Variants in CFAP45 observed in about 807,000 individuals in gnomAD.
The protein encoded by CFAP45 is cilia and flagella associated protein 45.
A neutral mutation model predicts 75.6 loss-of-function variants in CFAP45; 43 were observed. The observed-to-expected ratio is 0.57, with a 90% CI of 0.45 to 0.73. The LOEUF (loss-of-function observed/expected upper bound fraction) is 0.73, where lower values mean the gene tolerates loss of function less well. Ranked by LOEUF, CFAP45 falls within the 30% of genes least tolerant of loss-of-function variation. CFAP45 has a pLI of 0.00. For synonymous variants in CFAP45, 223 were observed against 244.6 expected (o/e 0.91, Z 0.82); for missense variants, 689 against 701.5 (o/e 0.98, Z 0.20).
At chr1:159,898,272 T>C in intron 1 of CFAP45, 1 of 977,268 alleles carries the variant, frequency 1.0e-6, no homozygotes, top group Non-Finnish European at 1.2e-6. Context: ...TGGCCATCTG[T>C]AGGATGCCAC....
At chr1:159,899,324 A>G (rs1354715464) in intron 1 of CFAP45, among the ~76,000 whole-genome samples, 2 of 152,128 alleles carry the variant, frequency 1.3e-5, no homozygotes, top group African/African-American at 4.8e-5. Flanking sequence ...TTTATTGACT[A>G]ACTACTGAGG....
chr1:159,878,242 G>A (rs578080249), intron 8 of CFAP45, among the ~76,000 whole-genome samples: 1 of 152,324 alleles, frequency 6.6e-6, no homozygotes, highest in African/African-American at 2.4e-5. Context: ...GCAGGTGGAG[G>A]TTATCTCATT....
Position 159,872,939 on chromosome 1 carries a change from C to A in CFAP45, c.1577+5G>T, listed in dbSNP as rs370314260. On this transcript the variant is annotated splice_donor_5th_base_variant and intron_variant, in intron 11 of 11. Transcript: ENST00000368099. ...GATTTGGGAAAGGAGGAGATTCCAGCGCACCTCAGCTCTTCAAGCTTTTTC... is the reference window on the plus strand; with the variant it reads ...GATTTGGGAAAGGAGGAGATTCCAGAGCACCTCAGCTCTTCAAGCTTTTTC... 2 of 1,612,682 alleles carry A rather than the reference C, an allele frequency of 1.2e-6. No individual in the cohort carries two copies. The highest frequency in any genetic ancestry group is 1.1e-5 in the South Asian group (1 of 91,050).
rs556361801 is a variant in CFAP45, at chr1:159,872,990, G to A, written c.1531C>T (p.Arg511Cys). 6.4e-5 allele frequency: 104 copies of A among 1,614,240 alleles called. No homozygotes were observed. In the Admixed American group the frequency reaches 1.3e-3, roughly 21 times the overall value. ...RRLKEEAQKR[R>C]ERIDEIKRKK... Reference sequence around the variant, plus strand: ...CTCTTGATCTCATCGATGCGCTCACGGCGTTTCTGGGCCTCCTCTTTGAGG... The same window carrying A: ...CTCTTGATCTCATCGATGCGCTCACAGCGTTTCTGGGCCTCCTCTTTGAGG... The change falls in exon 11 of 12, where the codon CGT (arginine) becomes TGT (cysteine). Residue 511 changes from arginine to cysteine, a missense_variant. Transcript: ENST00000368099.
At chr1:159,890,438 G>A in intron 3 of CFAP45, 42 bp downstream of exon 3, 1 of 1,605,004 alleles carries the variant, frequency 6.2e-7, no homozygotes, top group Non-Finnish European at 8.5e-7. Context: ...TTAGCAAAAG[G>A]ATGAGGACTG....
chr1:159,878,581 T>G (rs1185925871), intron 8 of CFAP45, among the ~76,000 whole-genome samples: 1 of 150,978 alleles, frequency 6.6e-6, no homozygotes, highest in African/African-American at 2.4e-5. Context: ...GGTGAAACAG[T>G]GTCTATACTA....
intron 5 of CFAP45, 95 bp downstream of exon 5, chr1:159,887,746 C>CCCCCCACTCCCAGG: frequency 7.5e-7 from 1 of 1,328,484 alleles, no homozygotes; most frequent in Non-Finnish European, 1.0e-6. Flanking sequence ...TGCCCACACC[C>CCCCCCACTCCCAGG]CCACCAGTCC....
In CFAP45 at chr1:159,880,503, T is replaced by C. The variant is rs762744381; in HGVS notation, c.1044+51A>G. ...CTTAGTTCTCAGGCCCTCCTCTCCC[T>C]GTGACAGACATTCCATTCCTAACCA... On this transcript the variant is annotated intron_variant, in intron 8 of 11. Transcript: ENST00000368099. 3 of 1,563,406 alleles carry C rather than the reference T, an allele frequency of 1.9e-6. No homozygotes were observed. The Admixed American group carries it at 5.4e-5, about 28-fold the overall frequency.
intron 1 of CFAP45, among the ~76,000 whole-genome samples, chr1:159,897,890 A>C (rs568663524): frequency 2.0e-4 from 31 of 152,346 alleles, no homozygotes; most frequent in South Asian, 6.2e-4. Flanking sequence ...AACAAACAAA[A>C]AAACCATAGC....
chr1:159,872,395 G>T lies in CFAP45; in HGVS notation c.*90C>A. On this transcript the variant is annotated 3_prime_UTR_variant, in exon 12 of 12. Transcript: ENST00000368099. ...TCAAGTAGATTTAATCTGTAACTAT[G>T]AAATGTCTAGGTTAGCAGCAATTAT... is the stretch of plus-strand genomic sequence containing the variant. The T allele has an allele frequency of 1.0e-6, 1 of 1,000,464 alleles. No homozygotes were observed. The highest frequency in any genetic ancestry group is 1.3e-5 in the South Asian group (1 of 77,840). 62.0% of individuals were successfully genotyped at this position (1,000,464 alleles called of 1,614,324 possible).
At chr1:159,891,628 T>C (rs555824115) in intron 2 of CFAP45, among the ~76,000 whole-genome samples, 1 of 152,362 alleles carries the variant, frequency 6.6e-6, no homozygotes, top group South Asian at 2.1e-4. Context: ...GTGTCATTAA[T>C]GCAGCCACTG....
rs779691349 is a variant in CFAP45 at position 159,876,716 on chromosome 1, C to T, written c.1192G>A (p.Ala398Thr). The change falls in exon 10 of 12, where the codon GCA (alanine) becomes ACA (threonine). Residue 398 changes from alanine (A) to threonine (T), a missense_variant. Coordinates refer to ENST00000368099, the MANE Select transcript of CFAP45 (RefSeq NM_012337.3). ...TCCTTTCTGCGCCACTCTCTGTCTG[C>T]AACCTCCTGGTTGCGCTTGGCCCGC... ...ALRAKRNQEV[A>T]DREWRRKEKE... 6.2e-7 allele frequency: 1 copy of T among 1,614,212 alleles called. No homozygotes were observed. Among genetic ancestry groups the T allele is most frequent in the Admixed American group, 1.7e-5 (1 of 60,026 alleles).
chr1:159,898,106 G>A (rs1168889799), intron 1 of CFAP45: 2 of 985,240 alleles, frequency 2.0e-6, no homozygotes, highest in East Asian at 1.1e-4. Context: ...AGTCTCCGCA[G>A]GCTGGCAAAT....
In CFAP45 at chr1:159,884,572, G is replaced by A. The variant is rs115172513; in HGVS notation, c.768-7C>T. ...CACAATTTGCCGCCTTCCTCTTGGA[G>A]AGAACAGTGCCACAGTGTCTTAGAA... On this transcript the variant is annotated splice_region_variant and splice_polypyrimidine_tract_variant and intron_variant, in intron 6 of 11. Coordinates refer to ENST00000368099, the MANE Select transcript of CFAP45 (RefSeq NM_012337.3). 7.4e-4 allele frequency: 1,186 copies of A among 1,612,904 alleles called. 9 individuals carry two copies. The African/African-American group carries it at 0.014, about 19-fold the overall frequency.
intron 1 of CFAP45, among the ~76,000 whole-genome samples, chr1:159,894,577 T>C (rs928194089): frequency 5.3e-5 from 8 of 152,194 alleles, no homozygotes; most frequent in Non-Finnish European, 1.0e-4. Context: ...AACCAGTTCA[T>C]AATACCCACT....
rs768885060 is a variant in CFAP45, at chr1:159,872,512, G to A, written c.1629C>T (p.Asn543=). The change falls in exon 12 of 12, where the codon AAC becomes AAT. Residue 543 remains asparagine (N), a synonymous_variant. Transcript: ENST00000368099. ...AGTTCACAGAGGTAGCTGGCAGGAT[G>A]TTAGCTTTGCGCTCAGCTTCAATGC... ...KYCIEAERKA[N]ILPATSVN The A allele has an allele frequency of 2.5e-6, 4 of 1,614,188 alleles. No homozygotes were observed. Among genetic ancestry groups the A allele is most frequent in the Admixed American group, 3.3e-5 (2 of 60,032 alleles).
chr1:159,882,333 C>T (rs1340532160), intron 7 of CFAP45, among the ~76,000 whole-genome samples: 1 of 152,170 alleles, frequency 6.6e-6, no homozygotes, highest in Non-Finnish European at 1.5e-5. Flanking sequence ...CTCACTGGCC[C>T]TCAAAGCTAA....
chr1:159,882,955 C>T (rs7514472), intron 7 of CFAP45, among the ~76,000 whole-genome samples: 17,481 of 152,194 alleles, frequency 0.11, 1,051 homozygotes, highest in South Asian at 0.18. Context: ...CTGTGTGCCC[C>T]TTCAGTTTCC....
At chr1:159,879,968 G>T (rs767342407) in intron 8 of CFAP45, among the ~76,000 whole-genome samples, 1 of 152,030 alleles carries the variant, frequency 6.6e-6, no homozygotes, top group South Asian at 2.1e-4. Flanking sequence ...TCCAATCCCC[G>T]TAGATCCCAA....
Sources: allele counts gnomAD v4.1 joint callset (sites outside exome capture counted in the v4.1 genomes callset), GRCh38; gene constraint gnomAD v4.1.1; transcripts MANE v1.5; gene names NCBI Gene and HGNC (gene_info 2026-07-23, HGNC 2026-07-21).